Variants in CEP104 observed in about 807,000 individuals in gnomAD.
CEP104 encodes centrosomal protein of 104 kDa.
A neutral mutation model predicts 113.3 loss-of-function variants in CEP104; 84 were observed. The observed-to-expected ratio is 0.74, with a 90% confidence interval of 0.62 to 0.89. The LOEUF (loss-of-function observed/expected upper bound fraction) is 0.89, where lower values mean the gene tolerates loss of function less well. Among genes scored for constraint, CEP104 ranks in the 40% least tolerant of loss-of-function variants. The pLI is 0.00. For missense variants in CEP104, 1,053 were observed against 1,156.6 expected, an observed-to-expected ratio of 0.91 and a Z score of 1.30; for synonymous variants, 378 against 421.7, an observed-to-expected ratio of 0.90 and a Z score of 1.27.
In CEP104 at chr1:3,839,039, C is replaced by T. The variant is rs1277685838; in HGVS notation, c.816G>A (p.Lys272=). The part of the protein sequence containing the change: ...EKEDYDLAKE[K]KQQMEQYRAE... ...CACGATACTGCTCCATCTGCTGCTT[C>T]TTCTCCTTGGCGAGATCGTAGTCTT... Residue 272 remains lysine, a synonymous_variant, in exon 8 of 22, where the codon AAG becomes AAA. Coordinates refer to ENST00000378230, the MANE Select transcript of CEP104 (RefSeq NM_014704.4). The T allele has an allele frequency of 1.9e-6, 3 of 1,614,016 alleles. No homozygotes were observed. In the Admixed American group the frequency reaches 5.0e-5, roughly 27 times the overall value.
chr1:3,849,582 C>T (rs939665498), intron 2 of CEP104, among the ~76,000 whole-genome samples: 1 of 152,208 alleles, frequency 6.6e-6, no homozygotes, highest in African/African-American at 2.4e-5. Context: ...AGAATCACAG[C>T]AGTCAGCAAA....
intron 2 of CEP104, among the ~76,000 whole-genome samples, chr1:3,851,909 C>T (rs956693425): frequency 6.6e-6 from 1 of 152,214 alleles, no homozygotes; most frequent in African/African-American, 2.4e-5. Flanking sequence ...GTTAGACACA[C>T]ACTCTTTCAG....
At chr1:3,853,553 T>C (rs528043492) in intron 1 of CEP104, among the ~76,000 whole-genome samples, 3 of 152,374 alleles carry the variant, frequency 2.0e-5, no homozygotes, top group Non-Finnish European at 4.4e-5. Flanking sequence ...TTTGACATGC[T>C]TGATGCATGA....
chr1:3,856,070 C>A, intron 1 of CEP104: 1 of 474,036 alleles, frequency 2.1e-6, no homozygotes, highest in Non-Finnish European at 2.8e-6. Context: ...CATTTTGTTA[C>A]AAGACTAGGA....
chr1:3,830,974 G>A, intron 13 of CEP104, 72 bp downstream of exon 13: 1 of 1,410,170 alleles, frequency 7.1e-7, no homozygotes, highest in Non-Finnish European at 9.7e-7. Flanking sequence ...ATGCCGATGA[G>A]ACCCTCGCCA....
intron 20 of CEP104, among the ~76,000 whole-genome samples, chr1:3,816,625 C>A (rs1643885036): frequency 6.6e-6 from 1 of 152,270 alleles, no homozygotes; most frequent in Admixed American, 6.5e-5. Context: ...CCCCACCCAG[C>A]CACACAGGGC....
intron 20 of CEP104, among the ~76,000 whole-genome samples, chr1:3,822,089 C>T (rs557710910): frequency 2.0e-5 from 3 of 152,304 alleles, no homozygotes; most frequent in South Asian, 2.1e-4. Context: ...GAGGGGAGCA[C>T]GTGGGGGCAC....
intron 9 of CEP104, 74 bp from the exon 10 acceptor site, chr1:3,836,766 G>A (rs1323012510): frequency 6.5e-5 from 89 of 1,368,630 alleles, no homozygotes; most frequent in Non-Finnish European, 8.5e-5. Flanking sequence ...ACTCTCACTG[G>A]CAGGCTTACT....
chr1:3,837,358 A>T lies in CEP104; in HGVS notation c.1053T>A (p.Thr351=), dbSNP rs1321695393. The T allele has an allele frequency of 6.2e-7, 1 of 1,614,148 alleles. No homozygotes were observed. Among genetic ancestry groups the T allele is most frequent in the East Asian group, 2.2e-5 (1 of 44,886 alleles). Residue 351 remains threonine (T), a synonymous_variant, in exon 9 of 22, where the codon ACT becomes ACA. Coordinates refer to ENST00000378230, the MANE Select transcript of CEP104 (RefSeq NM_014704.4). ...LQEKPSSYSL[T]ISPQHSAVDP... ...CTACTGCAGAATGCTGAGGAGAAATAGTTAGAGAATATGATGAAGGCTTTT... is the reference window on the plus strand; with the variant it reads ...CTACTGCAGAATGCTGAGGAGAAATTGTTAGAGAATATGATGAAGGCTTTT...
intron 6 of CEP104, among the ~76,000 whole-genome samples, chr1:3,843,497 G>A (rs6701360): frequency 0.37 from 55,336 of 150,736 alleles, 10,703 homozygotes; most frequent in Admixed American, 0.46. Flanking sequence ...GACTACAAGC[G>A]TGCACCACCA....
intron 15 of CEP104, among the ~76,000 whole-genome samples, chr1:3,827,573 C>G (rs1413698021): frequency 1.3e-5 from 2 of 152,214 alleles, no homozygotes; most frequent in African/African-American, 2.4e-5. Context: ...TCTGAAAGTT[C>G]TGGAGATGGA....
intron 12 of CEP104, among the ~76,000 whole-genome samples, chr1:3,832,129 A>C (rs1644219565): frequency 1.3e-5 from 2 of 152,258 alleles, no homozygotes; most frequent in Non-Finnish European, 2.9e-5. Context: ...AAAATAATTA[A>C]ATGAAGCAAT....
intron 2 of CEP104, among the ~76,000 whole-genome samples, chr1:3,850,955 C>T (rs966956129): frequency 3.3e-5 from 5 of 152,182 alleles, no homozygotes; most frequent in Admixed American, 2.0e-4. Context: ...GTGCTGTGAG[C>T]GTACAGGACC....
At chr1:3,851,038 C>T (rs982075937) in intron 2 of CEP104, among the ~76,000 whole-genome samples, 2 of 152,066 alleles carry the variant, frequency 1.3e-5, no homozygotes, top group Admixed American at 6.5e-5. Context: ...GAGGGCAGAG[C>T]GCTGGGCTGC....
rs2124687205 is a variant in CEP104, at chr1:3,845,356, GAA to G, written c.427-7_427-6del. ...ATTTATGGCAACCAAAGCAACCTAA[GAA>G]AGTGTTAAAATAACAGAATTAAATA... On this transcript the variant is annotated splice_polypyrimidine_tract_variant and splice_region_variant and intron_variant, in intron 4 of 21. Transcript: ENST00000378230. The G allele has an allele frequency of 6.3e-7, 1 of 1,586,958 alleles. No individual in the cohort carries two copies. The highest frequency in any genetic ancestry group is 2.2e-5 in the East Asian group (1 of 44,722).
intron 1 of CEP104, among the ~76,000 whole-genome samples, chr1:3,855,174 ATT>A (rs35424750): frequency 0.3 from 36,726 of 120,856 alleles, 5,850 homozygotes; most frequent in Non-Finnish European, 0.35. Flanking sequence ...CCCAGCCCCG[ATT>A]TTTTTTTTTT....
At chr1:3,831,744 CACTT>C (rs1644212409) in intron 12 of CEP104, among the ~76,000 whole-genome samples, 1 of 152,148 alleles carries the variant, frequency 6.6e-6, no homozygotes. Flanking sequence ...AGATATTTAT[CACTT>C]AATTAACCGG....
rs1570784351 is a variant in CEP104 at position 3,826,808 on chromosome 1, TGAA to T, written c.2152-67_2152-65del. 3 of 1,484,258 alleles carry T rather than the reference TGAA, an allele frequency of 2.0e-6. No homozygotes were observed. The East Asian group carries it at 6.8e-5, about 34-fold the overall frequency. The allele number at this position is 1,484,258 out of a possible 1,614,324, so 91.9% of individuals were successfully genotyped here. On this transcript the variant is annotated intron_variant, in intron 15 of 21. Transcript: ENST00000378230. ...GCAGTGTGAGTGAGTGAGAGCCTGT[TGAA>T]GATATGTTTTCATCACGAAAGCACA...
At chr1:3,824,297 G>A (rs919276045) in intron 18 of CEP104, among the ~76,000 whole-genome samples, 1 of 152,132 alleles carries the variant, frequency 6.6e-6, no homozygotes, top group Non-Finnish European at 1.5e-5. Flanking sequence ...TGTTGGTCAG[G>A]CTGGTCTTGA....
Sources: gnomAD v4.1 joint callset for allele counts (sites outside exome capture counted in the v4.1 genomes callset) on GRCh38, gnomAD v4.1.1 for gene constraint, MANE v1.5 for transcripts, NCBI Gene and HGNC (gene_info 2026-07-23, HGNC 2026-07-21) for gene names.